The following GPRC5B variants were observed in gnomAD, a reference collection of about 807,000 sequenced individuals.
The protein encoded by GPRC5B is G protein-coupled receptor family C group 5 member B.
In GPRC5B, 16 loss-of-function variants were observed where a neutral mutation model predicts 30.1. The ratio of observed to expected loss-of-function variants is 0.53; its 90% CI spans 0.36 to 0.81. The LOEUF (loss-of-function observed/expected upper bound fraction) is 0.81. Among genes scored for constraint, GPRC5B ranks in the 30% least tolerant of loss-of-function variants. The probability of loss-of-function intolerance (pLI) is 0.01; values close to 1 mark genes in which losing one functional copy is unlikely to be tolerated. For missense variants in GPRC5B, 428 were observed against 544.7 expected (o/e 0.79, Z 2.13); for synonymous variants, 241 against 239.5 (o/e 1.01, Z -0.06).
At chr16:19,880,748 G>A (rs1428447471) in intron 1 of GPRC5B, among the ~76,000 whole-genome samples, 1 of 152,210 alleles carries the variant, frequency 6.6e-6, no homozygotes, top group African/African-American at 2.4e-5. Flanking sequence ...CCAGAGAGCA[G>A]ACACCAGCCA....
chr16:19,878,610 A>G (rs1217348402), intron 1 of GPRC5B, among the ~76,000 whole-genome samples: 1 of 151,966 alleles, frequency 6.6e-6, no homozygotes, highest in Non-Finnish European at 1.5e-5. Flanking sequence ...TTTTATTTGT[A>G]TTACTCTTTT....
intron 1 of GPRC5B, among the ~76,000 whole-genome samples, chr16:19,877,679 C>T (rs1045793998): frequency 3.3e-5 from 5 of 152,188 alleles, no homozygotes; most frequent in Admixed American, 6.5e-5. Flanking sequence ...CCTAATGATC[C>T]ACATTATAAT....
intron 1 of GPRC5B, among the ~76,000 whole-genome samples, chr16:19,878,652 A>G (rs2056779494): frequency 6.6e-6 from 1 of 151,910 alleles, no homozygotes; most frequent in Admixed American, 6.6e-5. Flanking sequence ...CTCTTCCCCC[A>G]ACCCCTACCT....
chr16:19,861,771 T>C, intron 3 of GPRC5B, 66 bp downstream of exon 3: 6 of 1,420,462 alleles, frequency 4.2e-6, no homozygotes, highest in Non-Finnish European at 5.9e-6. Flanking sequence ...ATGTCCCTGT[T>C]GAAGCTGCTC....
intron 2 of GPRC5B, among the ~76,000 whole-genome samples, chr16:19,867,131 A>G (rs2141141577): frequency 6.6e-6 from 1 of 152,348 alleles, no homozygotes; most frequent in Middle Eastern, 3.4e-3. Context: ...AACGGGTCTT[A>G]TAGTCCTCAT....
chr16:19,885,121 G>T (rs2056840846), upstream of GPRC5B: 4 of 993,128 alleles, frequency 4.0e-6, no homozygotes, highest in Middle Eastern at 2.4e-4. The surrounding 1 kb of genome is among the most constrained non-coding windows in gnomAD (Gnocchi z 5.3). Flanking sequence ...ACGTCAGTGC[G>T]CCCGTAAGCA....
rs1160967427 is a variant in GPRC5B, at chr16:19,857,608, T to C, written c.*2892A>G. ...GAACTCCTGTAAGCTGGTATCATCA[T>C]TGCATCATTGGATTATAAAAGCCAC... On this transcript the variant is annotated 3_prime_UTR_variant, in exon 4 of 4. Coordinates refer to ENST00000300571, the MANE Select transcript of GPRC5B (RefSeq NM_016235.3). 3.2e-6 allele frequency: 1 copy of C among 316,714 alleles called. No homozygotes were observed. The highest frequency in any genetic ancestry group is 2.3e-5 in the African/African-American group (1 of 44,004). 19.6% of individuals were successfully genotyped at this position (316,714 alleles called of 1,614,324 possible). A position where few individuals can be genotyped will look rare whatever the true frequency, so the allele number is the denominator to read the frequency against.
chr16:19,862,809 C>T (rs950522694), intron 2 of GPRC5B, among the ~76,000 whole-genome samples: 9 of 152,092 alleles, frequency 5.9e-5, no homozygotes, highest in South Asian at 2.1e-4. Context: ...CCCAGCTACT[C>T]GGGAGGCTGC....
At chr16:19,867,189 C>T (rs548194060) in intron 2 of GPRC5B, among the ~76,000 whole-genome samples, 24 of 152,310 alleles carry the variant, frequency 1.6e-4, no homozygotes, top group Admixed American at 7.8e-4. Context: ...AGATGAGGGG[C>T]GCTTAAGCGC....
intron 1 of GPRC5B, among the ~76,000 whole-genome samples, chr16:19,876,848 A>G (rs1267225297): frequency 6.6e-6 from 1 of 152,240 alleles, no homozygotes; most frequent in Admixed American, 6.5e-5. Flanking sequence ...ATTTCTGGAA[A>G]GAGCACCTGA....
At position 19,861,901 on chromosome 16, in the gene GPRC5B, C is replaced by T. The variant is rs776604761; in HGVS notation, c.1103G>A (p.Ser368Asn). 2 of 1,613,506 alleles carry T rather than the reference C, an allele frequency of 1.2e-6. No homozygotes were observed. The highest frequency in any genetic ancestry group is 1.7e-6 in the Non-Finnish European group (2 of 1,179,562). ...ATACACGTTGCTTCTAAACGGAGCG[C>T]TGGGTCTTTTCCCCAAGCTGCCACT... Reference protein sequence around the residue: ...RPSGSLGKRPSAPFRSNVYQP... With the variant: ...RPSGSLGKRPNAPFRSNVYQP... Residue 368 changes from serine (S) to asparagine (N), a missense_variant, in exon 3 of 4, where the codon AGC (serine) becomes AAC (asparagine). Physicochemically the swap from Ser to Asn is conservative, Grantham distance 46 (BLOSUM62 1). This residue lies in a region of GPRC5B where 213 missense variants were observed against 229.1 expected (regional missense o/e 0.93). Transcript: ENST00000300571.
intron 1 of GPRC5B, among the ~76,000 whole-genome samples, chr16:19,878,897 G>C (rs2056781149): frequency 6.6e-6 from 1 of 151,700 alleles, no homozygotes; most frequent in African/African-American, 2.4e-5. Context: ...GAGCTCTTTA[G>C]AAATGCAGAT....
chr16:19,878,104 C>A (rs2056773145), intron 1 of GPRC5B, among the ~76,000 whole-genome samples: 1 of 151,768 alleles, frequency 6.6e-6, no homozygotes, highest in African/African-American at 2.4e-5. Context: ...GGGACTGAGG[C>A]AGGAGAATGA....
chr16:19,879,619 T>C (rs1391921631), intron 1 of GPRC5B, among the ~76,000 whole-genome samples: 2 of 152,076 alleles, frequency 1.3e-5, no homozygotes, highest in African/African-American at 4.8e-5. Flanking sequence ...ACCAAGGCCA[T>C]ACCTTGGTGT....
intron 2 of GPRC5B, among the ~76,000 whole-genome samples, chr16:19,865,518 T>C (rs939994538): frequency 5.3e-5 from 8 of 152,246 alleles, no homozygotes; most frequent in Non-Finnish European, 1.2e-4. Flanking sequence ...GGCTTTATTA[T>C]ACATCATTTC....
chr16:19,872,088 A>G lies in GPRC5B; in HGVS notation c.758T>C (p.Met253Thr), dbSNP rs777959344. The G allele has an allele frequency of 6.2e-6, 10 of 1,614,098 alleles. No homozygotes were observed. Among genetic ancestry groups the G allele is most frequent in the South Asian group, 3.3e-5 (3 of 91,072 alleles). ...SVLIWVAWMT[M>T]YLFGNVKLQQ... is the part of the protein sequence containing the mutation. ...CAGCTTGACATTGCCGAAGAGGTAC[A>G]TGGTCATCCAGGCCACCCAGATGAG... The change falls in exon 2 of 4, where the codon ATG becomes ACG. Residue 253 changes from methionine to threonine, a missense_variant. Met to Thr is a moderately conservative substitution (Grantham distance 81). Transcript: ENST00000300571. This position sits in a 1 kb window ranked among gnomAD's most constrained non-coding sequence, Gnocchi z 5.0.
intron 2 of GPRC5B, among the ~76,000 whole-genome samples, chr16:19,868,180 G>A (rs1212387429): frequency 6.6e-6 from 1 of 152,080 alleles, no homozygotes; most frequent in Non-Finnish European, 1.5e-5. Flanking sequence ...TTTGAGACCA[G>A]CCTGACCAAC....
At chr16:19,870,077 A>AAAAACC (rs747322246) in intron 2 of GPRC5B, among the ~76,000 whole-genome samples, 12 of 152,094 alleles carry the variant, frequency 7.9e-5, no homozygotes, top group Non-Finnish European at 1.3e-4. Flanking sequence ...TCAATCCATA[A>AAAAACC]AAAACCAAAA....
intron 1 of GPRC5B, among the ~76,000 whole-genome samples, chr16:19,877,313 C>T (rs749898216): frequency 6.6e-6 from 1 of 152,196 alleles, no homozygotes; most frequent in Non-Finnish European, 1.5e-5. Flanking sequence ...CAAAGAAGTT[C>T]TAATGTTCCT....
Sources: gnomAD v4.1 joint callset for allele counts (sites outside exome capture counted in the v4.1 genomes callset) on GRCh38, gnomAD v4.1.1 for gene constraint, gnomAD v4.1.1 regional missense constraint, Gnocchi (gnomAD v3.1) non-coding constraint, MANE v1.5 for transcripts, NCBI Gene and HGNC (gene_info 2026-07-23, HGNC 2026-07-21) for gene names.